The following DCC variants were observed in gnomAD, a reference collection of about 807,000 sequenced individuals.
DCC encodes the protein netrin receptor DCC.
A neutral mutation model predicts 172.5 loss-of-function variants in DCC; 58 were observed. That is an observed-to-expected ratio of 0.34 (90% CI 0.27 to 0.42). The LOEUF is 0.42. Among genes scored for constraint, DCC ranks in the 10% least tolerant of loss-of-function variants. The probability of loss-of-function intolerance (pLI) is 1.00; values close to 1 mark genes in which losing one functional copy is unlikely to be tolerated. For synonymous variants in DCC, 709 were observed against 644.5 expected, an observed-to-expected ratio of 1.10 and a Z score of -1.52; for missense variants, 1,740 against 1,791.0, an observed-to-expected ratio of 0.97 and a Z score of 0.51.
chr18:52,642,005 T>G (rs2034901369), intron 1 of DCC, among the ~76,000 whole-genome samples: 1 of 125,394 alleles, frequency 8.0e-6, no homozygotes, highest in African/African-American at 3.1e-5. Flanking sequence ...GAAACTGTGG[T>G]GTGTGTGTGT....
At chr18:52,451,426 T>C (rs1316187060) in intron 1 of DCC, among the ~76,000 whole-genome samples, 3 of 152,040 alleles carry the variant, frequency 2.0e-5, no homozygotes, top group African/African-American at 7.3e-5. Context: ...CTGAGGCCGT[T>C]TGGGAAAGAG....
chr18:53,428,105 TAATATAATAATATATAATATATAA>T (rs1421120638), intron 21 of DCC, among the ~76,000 whole-genome samples: 2 of 17,262 alleles, frequency 1.2e-4, no homozygotes, highest in African/African-American at 4.3e-4. Context: ...ATATATAATA[TAATATAATAATATATAATATATAA>T]TATAATATAA....
intron 7 of DCC, among the ~76,000 whole-genome samples, chr18:53,081,793 G>C (rs1384529482): frequency 1.3e-5 from 2 of 151,966 alleles, no homozygotes; most frequent in African/African-American, 4.8e-5. Context: ...ATCATTCTAG[G>C]AATGGCTACT....
intron 7 of DCC, among the ~76,000 whole-genome samples, chr18:53,090,494 C>A (rs1222864504): frequency 1.3e-5 from 2 of 151,356 alleles, no homozygotes; most frequent in Non-Finnish European, 2.9e-5. Flanking sequence ...GAGATTGAGA[C>A]CATCCTGGCT....
intron 12 of DCC, among the ~76,000 whole-genome samples, chr18:53,242,666 A>G (rs781717429): frequency 1.2e-4 from 18 of 152,194 alleles, no homozygotes; most frequent in African/African-American, 1.9e-4. Context: ...ACCACTGTCA[A>G]TGACAACCTG....
chr18:52,459,038 G>A (rs1370055927), intron 1 of DCC, among the ~76,000 whole-genome samples: 2 of 151,992 alleles, frequency 1.3e-5, no homozygotes, highest in East Asian at 1.9e-4. Context: ...CCCTGAAGCC[G>A]CCTGTAAATT....
intron 1 of DCC, among the ~76,000 whole-genome samples, chr18:52,455,772 C>T (rs1302172627): frequency 1.3e-5 from 2 of 152,152 alleles, no homozygotes; most frequent in Admixed American, 1.3e-4. Context: ...CCAAATATAG[C>T]AAGTACTGTG....
At chr18:53,338,590 G>A (rs2057617950) in intron 14 of DCC, among the ~76,000 whole-genome samples, 1 of 152,188 alleles carries the variant, frequency 6.6e-6, no homozygotes, top group Admixed American at 6.5e-5. Flanking sequence ...GACAGAGTGA[G>A]ACTCCGTCTC....
chr18:53,264,290 C>T (rs190766410), intron 12 of DCC, among the ~76,000 whole-genome samples: 8 of 152,080 alleles, frequency 5.3e-5, no homozygotes, highest in Admixed American at 4.6e-4. Flanking sequence ...AGTTCAAGAC[C>T]AGCCTGGCTA....
chr18:52,515,378 C>A (rs1449703777), intron 1 of DCC, among the ~76,000 whole-genome samples: 1 of 151,622 alleles, frequency 6.6e-6, no homozygotes, highest in African/African-American at 2.4e-5. Context: ...GAGGCCCAGG[C>A]GGGTGGATCA....
chr18:53,247,154 T>G (rs1042392343), intron 12 of DCC, among the ~76,000 whole-genome samples: 1 of 152,074 alleles, frequency 6.6e-6, no homozygotes, highest in African/African-American at 2.4e-5. Context: ...GAGGACAACC[T>G]TAGATTACTT....
chr18:52,806,135 GATC>G (rs1366620077), intron 2 of DCC, among the ~76,000 whole-genome samples: 1 of 152,154 alleles, frequency 6.6e-6, no homozygotes, highest in African/African-American at 2.4e-5. Context: ...TGCTGTGATG[GATC>G]ATTTCTGTAT....
chr18:53,460,856 A>G (rs1409890743), intron 24 of DCC, among the ~76,000 whole-genome samples: 1 of 152,152 alleles, frequency 6.6e-6, no homozygotes, highest in Non-Finnish European at 1.5e-5. Flanking sequence ...GAATCGCCAC[A>G]CTGACTTCCA....
intron 24 of DCC, among the ~76,000 whole-genome samples, chr18:53,462,168 A>G (rs1254454075): frequency 6.6e-6 from 1 of 152,208 alleles, no homozygotes. Context: ...AAACAGAAGT[A>G]TGACTTATTT....
intron 5 of DCC, among the ~76,000 whole-genome samples, chr18:52,994,879 T>C (rs865854516): frequency 6.6e-6 from 1 of 152,136 alleles, no homozygotes; most frequent in Non-Finnish European, 1.5e-5. Context: ...CATCTTGAGA[T>C]TGATTTTTTT....
chr18:52,912,065 T>A, intron 3 of DCC, among the ~76,000 whole-genome samples: 1 of 152,006 alleles, frequency 6.6e-6, no homozygotes, highest in African/African-American at 2.4e-5. Flanking sequence ...TTAATAAATA[T>A]TAAAAGTTCC....
At chr18:53,117,862 A>G (rs1160998037) in intron 7 of DCC, among the ~76,000 whole-genome samples, 2 of 151,730 alleles carry the variant, frequency 1.3e-5, no homozygotes, top group Non-Finnish European at 2.9e-5. Flanking sequence ...TGAATTTCAC[A>G]TTCTTGTCAC....
chr18:52,645,210 T>A (rs139151049), intron 1 of DCC, among the ~76,000 whole-genome samples: 2 of 151,908 alleles, frequency 1.3e-5, no homozygotes, highest in East Asian at 3.9e-4. Context: ...AAAAACAGAG[T>A]ATTATAACCT....
intron 1 of DCC, among the ~76,000 whole-genome samples, chr18:52,663,233 C>T (rs74798988): frequency 0.025 from 3,794 of 152,278 alleles, 60 homozygotes; most frequent in Middle Eastern, 0.075. Flanking sequence ...TCCTAAGTAA[C>T]GTTTCTCAGG....
Sources: gnomAD v4.1 joint callset for allele counts (sites outside exome capture counted in the v4.1 genomes callset) on GRCh38, gnomAD v4.1.1 for gene constraint, MANE v1.5 for transcripts, NCBI Gene and HGNC (gene_info 2026-07-23, HGNC 2026-07-21) for gene names.